The following TANC2 variants were observed in gnomAD, a reference collection of about 807,000 sequenced individuals.
TANC2 encodes the protein tetratricopeptide repeat, ankyrin repeat and coiled-coil containing 2.
TANC2 carries 26 observed loss-of-function variants against 210.5 expected under a neutral mutation model. That is an observed-to-expected ratio of 0.12 (90% CI 0.09 to 0.17). TANC2 has a LOEUF of 0.17. Among genes scored for constraint, TANC2 ranks in the 10% least tolerant of loss-of-function variants. The pLI is 1.00. For synonymous variants in TANC2, 931 were observed against 967.1 expected, an observed-to-expected ratio of 0.96 and a Z score of 0.69; for missense variants, 2,129 against 2,608.9, an observed-to-expected ratio of 0.82 and a Z score of 4.01.
chr17:63,410,790 G>A (rs1157057402), intron 21 of TANC2, among the ~76,000 whole-genome samples: 5 of 149,294 alleles, frequency 3.3e-5, no homozygotes, highest in African/African-American at 1.2e-4. Context: ...GAACCCGGGA[G>A]GTGGAGGTTG....
chr17:63,052,288 GATA>G (rs762669250), intron 2 of TANC2, among the ~76,000 whole-genome samples: 2 of 152,118 alleles, frequency 1.3e-5, no homozygotes, highest in Non-Finnish European at 2.9e-5. Flanking sequence ...CTAAGATACA[GATA>G]ATTAATTTTC....
chr17:63,015,901 C>T (rs563215087), intron 2 of TANC2, among the ~76,000 whole-genome samples: 19 of 151,636 alleles, frequency 1.3e-4, no homozygotes, highest in East Asian at 9.7e-4. Context: ...ACTTCAAATA[C>T]GCTTCTTTGA....
chr17:63,082,562 G>T (rs190550230), intron 3 of TANC2, among the ~76,000 whole-genome samples: 2 of 152,106 alleles, frequency 1.3e-5, no homozygotes, highest in East Asian at 3.9e-4. Context: ...AAGAAGGAAG[G>T]GGAAATCACA....
intron 4 of TANC2, among the ~76,000 whole-genome samples, chr17:63,136,481 A>T (rs2039092969): frequency 1.3e-5 from 2 of 152,212 alleles, no homozygotes; most frequent in Non-Finnish European, 2.9e-5. Flanking sequence ...CTCTATAAAT[A>T]TCTACACAAA....
intron 4 of TANC2, among the ~76,000 whole-genome samples, chr17:63,119,123 C>T (rs1777367643): frequency 6.6e-6 from 1 of 152,024 alleles, no homozygotes; most frequent in African/African-American, 2.4e-5. Context: ...GAGATGAAGT[C>T]TCATGTTGCC....
intron 1 of TANC2, among the ~76,000 whole-genome samples, chr17:62,997,062 G>T (rs189287316): frequency 6.5e-4 from 95 of 146,936 alleles, no homozygotes; most frequent in Middle Eastern, 7.0e-3. Context: ...TGATCTGCCC[G>T]CCATAGCCTC....
intron 2 of TANC2, among the ~76,000 whole-genome samples, chr17:63,052,096 A>G (rs966007189): frequency 2.0e-5 from 3 of 152,156 alleles, no homozygotes; most frequent in Non-Finnish European, 2.9e-5. Context: ...ATGTAGGAAG[A>G]GGAATGACAT....
intron 2 of TANC2, among the ~76,000 whole-genome samples, chr17:63,039,989 AT>A (rs1334477523): frequency 6.6e-6 from 1 of 152,040 alleles, no homozygotes; most frequent in Non-Finnish European, 1.5e-5. Context: ...TAGTTTTTAT[AT>A]TTTCTCTGTT....
At chr17:63,113,915 C>G (rs933059438) in intron 4 of TANC2, among the ~76,000 whole-genome samples, 9 of 152,172 alleles carry the variant, frequency 5.9e-5, no homozygotes, top group African/African-American at 2.2e-4. Context: ...GTTGGTTGAA[C>G]ATCTCTGTTT....
intron 4 of TANC2, among the ~76,000 whole-genome samples, chr17:63,124,665 A>T (rs774512679): frequency 6.6e-6 from 1 of 152,174 alleles, no homozygotes; most frequent in South Asian, 2.1e-4. Context: ...GGGATCCCCA[A>T]CGCTCAGGCT....
chr17:63,197,667 C>T (rs2041389452), intron 6 of TANC2: 1 of 152,146 alleles, frequency 6.6e-6, no homozygotes, highest in Non-Finnish European at 1.5e-5. Context: ...TTCAAATGGA[C>T]CTTATGAATT....
chr17:63,302,181 A>G (rs2044740884), intron 9 of TANC2, among the ~76,000 whole-genome samples: 1 of 152,168 alleles, frequency 6.6e-6, no homozygotes, highest in African/African-American at 2.4e-5. Context: ...TTTGCTGAGG[A>G]GTGTTTTACT....
intron 6 of TANC2, among the ~76,000 whole-genome samples, chr17:63,198,617 C>G (rs748110991): frequency 1.3e-5 from 2 of 152,196 alleles, no homozygotes; most frequent in Non-Finnish European, 2.9e-5. Flanking sequence ...TGCCACATTT[C>G]TAACCTGAAG....
chr17:63,010,874 C>T (rs577282937), intron 2 of TANC2, among the ~76,000 whole-genome samples: 23 of 152,210 alleles, frequency 1.5e-4, no homozygotes, highest in Non-Finnish European at 2.2e-4. Context: ...TTGGGTATGC[C>T]GCCTTCTCAA....
intron 2 of TANC2, among the ~76,000 whole-genome samples, chr17:63,035,152 A>G (rs1010531627): frequency 1.3e-5 from 2 of 152,192 alleles, no homozygotes; most frequent in African/African-American, 4.8e-5. Flanking sequence ...CTACCCCCCG[A>G]TCAGTCAGCA....
chr17:63,138,283 T>C (rs2039163223), intron 4 of TANC2, among the ~76,000 whole-genome samples: 1 of 152,206 alleles, frequency 6.6e-6, no homozygotes, highest in South Asian at 2.1e-4. Context: ...ATCTATTGTA[T>C]TGGGCTACTG....
chr17:63,206,171 A>T (rs971092441), intron 7 of TANC2, among the ~76,000 whole-genome samples: 7 of 152,226 alleles, frequency 4.6e-5, no homozygotes, highest in African/African-American at 1.7e-4. Context: ...ACCCATTAGG[A>T]TGACAATTAT....
rs377542271 is a variant in TANC2 at position 63,389,509 on chromosome 17, A to T, written c.3016A>T (p.Ser1006Cys). ...ATATGCTGCAGCAGCAGGGTACCTG[A>T]GCATTGTGGTGCTGCTGTGCAAGAA... is the stretch of plus-strand genomic sequence containing the variant. The change falls in exon 17 of 28, where the codon AGC becomes TGC. Residue 1006 changes from serine (S) to cysteine (C), a missense_variant. Physicochemically the swap from Ser to Cys is moderately radical, Grantham distance 112 (BLOSUM62 -1). Coordinates refer to ENST00000689528, the Ensembl canonical transcript of TANC2. 2.4e-5 allele frequency: 38 copies of T among 1,612,088 alleles called. No homozygotes were observed. Among genetic ancestry groups the T allele is most frequent in the Non-Finnish European group, 2.9e-5 (34 of 1,179,030 alleles).
intron 1 of TANC2, among the ~76,000 whole-genome samples, chr17:62,995,265 A>C (rs1464089756): frequency 6.6e-6 from 1 of 152,204 alleles, no homozygotes; most frequent in Non-Finnish European, 1.5e-5. Context: ...TAGTGTTGAC[A>C]GTTGTAGTTG....
Sources: gnomAD v4.1 joint callset for allele counts (sites outside exome capture counted in the v4.1 genomes callset) on GRCh38, gnomAD v4.1.1 for gene constraint, MANE v1.5 for transcripts, NCBI Gene and HGNC (gene_info 2026-07-23, HGNC 2026-07-21) for gene names.